Variants in OPCML observed in about 807,000 individuals in gnomAD.
The protein encoded by OPCML is opioid binding protein/cell adhesion molecule like, also known as opioid-binding protein/cell adhesion molecule.
In OPCML, 13 loss-of-function variants were observed where a neutral mutation model predicts 37.8. The ratio of observed to expected loss-of-function variants is 0.34; its 90% CI spans 0.22 to 0.55. The LOEUF is 0.55. Among genes scored for constraint, OPCML ranks in the 20% least tolerant of loss-of-function variants. OPCML has a pLI of 0.91. For missense variants in OPCML, 341 were observed against 435.6 expected, an observed-to-expected ratio of 0.78 and a Z score of 1.93; for synonymous variants, 176 against 168.8, an observed-to-expected ratio of 1.04 and a Z score of -0.33.
chr11:133,188,737 G>A (rs1053436340), intron 1 of OPCML, among the ~76,000 whole-genome samples: 2 of 152,128 alleles, frequency 1.3e-5, no homozygotes, highest in African/African-American at 4.8e-5. Context: ...GGTAGTTTAT[G>A]TTCCCCAAAA....
At chr11:133,500,196 C>T (rs1222706173) in intron 1 of OPCML, among the ~76,000 whole-genome samples, 1 of 152,134 alleles carries the variant, frequency 6.6e-6, no homozygotes, top group Non-Finnish European at 1.5e-5. Flanking sequence ...AGGATTAATT[C>T]AATTCCAAAC....
At chr11:133,306,150 G>C (rs1348691632) in intron 1 of OPCML, among the ~76,000 whole-genome samples, 6 of 152,138 alleles carry the variant, frequency 3.9e-5, no homozygotes, top group African/African-American at 1.2e-4. Context: ...TCAGTAGAAA[G>C]ACCCATAGAA....
chr11:132,487,033 A>T (rs2096202115), intron 4 of OPCML, among the ~76,000 whole-genome samples: 1 of 152,200 alleles, frequency 6.6e-6, no homozygotes, highest in Admixed American at 6.5e-5. Flanking sequence ...GGATCATGAT[A>T]ATGCTGTATT....
chr11:133,445,925 T>C (rs1006399514), intron 1 of OPCML, among the ~76,000 whole-genome samples: 2 of 152,156 alleles, frequency 1.3e-5, no homozygotes, highest in African/African-American at 4.8e-5. Context: ...CTGCCAAGAC[T>C]GTTTAAAAAG....
intron 2 of OPCML, among the ~76,000 whole-genome samples, chr11:132,691,289 T>A (rs969963286): frequency 6.6e-6 from 1 of 152,194 alleles, no homozygotes; most frequent in Non-Finnish European, 1.5e-5. Context: ...CCTCCTGACC[T>A]CCCATTGCAT....
intron 4 of OPCML, among the ~76,000 whole-genome samples, chr11:132,453,993 C>A (rs749703892): frequency 3.9e-5 from 6 of 152,152 alleles, no homozygotes; most frequent in Non-Finnish European, 7.3e-5. Flanking sequence ...CATGTGGCAA[C>A]TGCTATTTTC....
rs1242785795 is a variant in OPCML at position 133,160,200 on chromosome 11, G to A, written c.62-217190C>T. Among the ~76,000 whole-genome samples the A allele has an allele frequency of 2.0e-5, 3 of 152,320 alleles. No individual in the cohort carries two copies. In the East Asian group the frequency reaches 5.8e-4, roughly 29 times the overall value. ...CTTGCCCCTAAGTCTCTCAATTTAT[G>A]AAAAACAGAGCAATTCCAAGAGGGG... On this transcript the variant is annotated intron_variant, in intron 1 of 7. Transcript: ENST00000524381.
intron 1 of OPCML, among the ~76,000 whole-genome samples, chr11:133,470,417 G>A (rs1186839253): frequency 2.0e-5 from 3 of 152,202 alleles, no homozygotes; most frequent in Non-Finnish European, 4.4e-5. Flanking sequence ...CCCCCAGAGA[G>A]AAGCTGACCA....
intron 1 of OPCML, among the ~76,000 whole-genome samples, chr11:133,226,921 A>T (rs1390100945): frequency 6.6e-6 from 1 of 152,260 alleles, no homozygotes; most frequent in Non-Finnish European, 1.5e-5. Flanking sequence ...ATAGCTCAGT[A>T]GACTCTTGTC....
chr11:133,501,713 C>T (rs4937784), intron 1 of OPCML, among the ~76,000 whole-genome samples: 33,501 of 151,726 alleles, frequency 0.22, 4,490 homozygotes, highest in African/African-American at 0.34. Flanking sequence ...TTCAAACGAC[C>T]TGAGCCAGGT....
chr11:132,900,778 T>C (rs993234738), intron 2 of OPCML, among the ~76,000 whole-genome samples: 1 of 152,166 alleles, frequency 6.6e-6, no homozygotes, highest in Admixed American at 6.5e-5. Flanking sequence ...AGAAGCCTGC[T>C]CTGGCATTTT....
At chr11:132,516,409 T>C (rs530282262) in intron 4 of OPCML, among the ~76,000 whole-genome samples, 33 of 152,274 alleles carry the variant, frequency 2.2e-4, no homozygotes, top group South Asian at 1.7e-3. Flanking sequence ...CTCCACTGTC[T>C]TCCCCTTTTT....
intron 3 of OPCML, among the ~76,000 whole-genome samples, chr11:132,550,356 G>A (rs1484375613): frequency 2.0e-5 from 3 of 152,054 alleles, no homozygotes; most frequent in Admixed American, 2.0e-4. Context: ...CCATTCCCTC[G>A]GTGCTGTCCT....
intron 1 of OPCML, among the ~76,000 whole-genome samples, chr11:133,484,103 TTAGATAGATGA>T (rs1947473015): frequency 6.8e-6 from 1 of 146,818 alleles, no homozygotes; most frequent in Non-Finnish European, 1.5e-5. Flanking sequence ...AATAGATAGA[TTAGATAGATGA>T]TAGATAGATG....
chr11:133,246,917 A>G lies in OPCML; in HGVS notation c.61+285347T>C, dbSNP rs201410166. On this transcript the variant is annotated intron_variant, in intron 1 of 7. Coordinates refer to ENST00000524381, the MANE Select transcript of OPCML (RefSeq NM_001012393.5). ...AGTAGCAGCAATAATGTGAAGAACA[A>G]GAATGAGCAGTGGCTTGCATTGACT... Among the ~76,000 whole-genome samples the G allele has an allele frequency of 2.6e-5, 4 of 152,336 alleles. 1 individual carries two copies. In the East Asian group the frequency reaches 7.7e-4, roughly 29 times the overall value.
chr11:133,464,855 G>A (rs148034639), intron 1 of OPCML, among the ~76,000 whole-genome samples: 1,630 of 152,262 alleles, frequency 0.011, 36 homozygotes, highest in African/African-American at 0.037. Flanking sequence ...TTGATTGAAT[G>A]ATGGAAATGA....
intron 1 of OPCML, among the ~76,000 whole-genome samples, chr11:133,494,243 A>C (rs1389225926): frequency 3.3e-5 from 5 of 152,060 alleles, no homozygotes; most frequent in Non-Finnish European, 5.9e-5. Context: ...CAGGATGTGG[A>C]GAAATAGGAA....
intron 3 of OPCML, among the ~76,000 whole-genome samples, chr11:132,597,704 G>T (rs1362977391): frequency 6.6e-6 from 1 of 152,184 alleles, no homozygotes; most frequent in South Asian, 2.1e-4. Context: ...GGCAGGGCTT[G>T]ACCACGGCTG....
chr11:132,783,362 G>A (rs773738726), intron 2 of OPCML, among the ~76,000 whole-genome samples: 4 of 152,100 alleles, frequency 2.6e-5, no homozygotes, highest in Non-Finnish European at 4.4e-5. Context: ...GTGGGGTTAA[G>A]TCATATGCAT....
Sources: gnomAD v4.1 joint callset for allele counts (sites outside exome capture counted in the v4.1 genomes callset) on GRCh38, gnomAD v4.1.1 for gene constraint, MANE v1.5 for transcripts, NCBI Gene and HGNC (gene_info 2026-07-23, HGNC 2026-07-21) for gene names.